Variants in ANKRD11 observed in about 807,000 individuals in gnomAD.
ANKRD11 encodes the protein ankyrin repeat domain-containing protein 11.
In ANKRD11, 17 loss-of-function variants were observed where a neutral mutation model predicts 195.7. The ratio of observed to expected loss-of-function variants is 0.09; its 90% CI spans 0.06 to 0.13. The LOEUF (loss-of-function observed/expected upper bound fraction) is 0.13. Ranked by LOEUF, ANKRD11 falls within the 10% of genes least tolerant of loss-of-function variation. The probability of loss-of-function intolerance (pLI) is 1.00; values close to 1 mark genes in which losing one functional copy is unlikely to be tolerated. For synonymous variants in ANKRD11, 1,953 were observed against 1,528.1 expected (o/e 1.28, Z -6.49); for missense variants, 3,735 against 3,566.1 (o/e 1.05, Z -1.21).
chr16:89,479,915 C>A (rs2057386170), intron 1 of ANKRD11, among the ~76,000 whole-genome samples: 1 of 148,952 alleles, frequency 6.7e-6, no homozygotes, highest in Non-Finnish European at 1.5e-5. Flanking sequence ...TGCACTCCAG[C>A]CTGGGTGACA....
At chr16:89,457,389 G>A (rs1250162322) in intron 1 of ANKRD11, among the ~76,000 whole-genome samples, 1 of 151,458 alleles carries the variant, frequency 6.6e-6, no homozygotes, top group Non-Finnish European at 1.5e-5. Flanking sequence ...ATGCGGTCAG[G>A]AGTTCAAGAC....
chr16:89,288,682 C>T lies in ANKRD11; in HGVS notation c.602-12G>A. On this transcript the variant is annotated splice_polypyrimidine_tract_variant and intron_variant, in intron 6 of 12. Coordinates refer to ENST00000301030, the MANE Select transcript of ANKRD11 (RefSeq NM_013275.6). ...CAGCGCCGTCCAGCCTGGAAACAGA[C>T]ACTCAGGACGTACGTTATTTAATCC... 1 of 1,613,994 alleles carries T rather than the reference C, an allele frequency of 6.2e-7. No individual in the cohort carries two copies. Among genetic ancestry groups the T allele is most frequent in the Non-Finnish European group, 8.5e-7 (1 of 1,180,030 alleles).
chr16:89,453,721 G>A (rs572595403), intron 1 of ANKRD11, among the ~76,000 whole-genome samples: 21 of 152,178 alleles, frequency 1.4e-4, no homozygotes, highest in African/African-American at 5.1e-4. Flanking sequence ...AAGACACAGC[G>A]GCAAACAAAA....
At chr16:89,319,790 G>A (rs193139480) in intron 2 of ANKRD11, among the ~76,000 whole-genome samples, 56 of 152,364 alleles carry the variant, frequency 3.7e-4, no homozygotes, top group African/African-American at 1.1e-3. Context: ...CGTGCAGCAC[G>A]CGGCCCACTC....
chr16:89,277,435 G>C (rs1352551132), intron 9 of ANKRD11: 1 of 152,290 alleles, frequency 6.6e-6, no homozygotes, highest in Non-Finnish European at 1.5e-5. Context: ...ACTCAGATTG[G>C]CAGGATTCTA....
intron 1 of ANKRD11, among the ~76,000 whole-genome samples, chr16:89,457,547 G>A (rs2056491996): frequency 2.0e-5 from 3 of 146,876 alleles, no homozygotes. Flanking sequence ...GCAGTGAGCT[G>A]AGATCGCGCC....
chr16:89,356,519 C>A (rs947450198), intron 2 of ANKRD11, among the ~76,000 whole-genome samples: 1 of 151,866 alleles, frequency 6.6e-6, no homozygotes, highest in African/African-American at 2.4e-5. Flanking sequence ...CGCCTATAAT[C>A]CCAGCTCTTT....
chr16:89,454,356 A>C (rs550243630), intron 1 of ANKRD11, among the ~76,000 whole-genome samples: 1 of 152,300 alleles, frequency 6.6e-6, no homozygotes, highest in South Asian at 2.1e-4. Flanking sequence ...ACATGGGCAC[A>C]GAAGACTTCT....
intron 1 of ANKRD11, among the ~76,000 whole-genome samples, chr16:89,439,657 A>C (rs1429235317): frequency 6.6e-6 from 1 of 152,112 alleles, no homozygotes; most frequent in African/African-American, 2.4e-5. Context: ...AGCTTGTTCT[A>C]TTCTTCATCT....
chr16:89,317,556 G>C (rs2037041292), intron 2 of ANKRD11, among the ~76,000 whole-genome samples: 1 of 152,276 alleles, frequency 6.6e-6, no homozygotes, highest in Non-Finnish European at 1.5e-5. Flanking sequence ...CACCTGGGAA[G>C]GAGCTCCTGT....
chr16:89,318,606 C>A (rs1327396360), intron 2 of ANKRD11, among the ~76,000 whole-genome samples: 1 of 152,208 alleles, frequency 6.6e-6, no homozygotes, highest in Non-Finnish European at 1.5e-5. Context: ...CCCACCTCCA[C>A]CCCGTCAGCT....
intron 2 of ANKRD11, among the ~76,000 whole-genome samples, chr16:89,403,312 C>A (rs984387601): frequency 1.2e-4 from 18 of 152,298 alleles, no homozygotes; most frequent in East Asian, 3.9e-4. Context: ...CCTGCTCCCC[C>A]CTCCTGACCG....
chr16:89,384,879 C>CTTTTTCTTTTTTTTTTTTTT (rs2040833636), intron 2 of ANKRD11, among the ~76,000 whole-genome samples: 2 of 49,942 alleles, frequency 4.0e-5, no homozygotes, highest in African/African-American at 1.6e-4. Context: ...AAATAGTTTT[C>CTTTTTCTTTTTTTTTTTTTT]TTTTTTTTTT....
chr16:89,483,183 A>C (rs1567867339), intron 1 of ANKRD11, among the ~76,000 whole-genome samples: 1 of 152,174 alleles, frequency 6.6e-6, no homozygotes, highest in African/African-American at 2.4e-5. Flanking sequence ...GCTTAGAAGA[A>C]AGCTATTAAG....
intron 2 of ANKRD11, among the ~76,000 whole-genome samples, chr16:89,331,447 G>C (rs577910478): frequency 6.6e-6 from 1 of 152,268 alleles, no homozygotes; most frequent in South Asian, 2.1e-4. Context: ...AGAATTTACA[G>C]ATTAAAGACT....
chr16:89,482,930 G>A (rs1237069197), intron 1 of ANKRD11, among the ~76,000 whole-genome samples: 2 of 152,208 alleles, frequency 1.3e-5, no homozygotes, highest in Admixed American at 6.5e-5. Flanking sequence ...GGAGCCTCCA[G>A]AAGGAACCAG....
At chr16:89,377,473 C>T (rs1183187106) in intron 2 of ANKRD11, among the ~76,000 whole-genome samples, 2 of 151,494 alleles carry the variant, frequency 1.3e-5, no homozygotes, top group African/African-American at 4.9e-5. Flanking sequence ...GACATGTGGG[C>T]CGGGGCAGGA....
At chr16:89,451,618 T>G (rs1389826770) in intron 1 of ANKRD11, among the ~76,000 whole-genome samples, 1 of 152,040 alleles carries the variant, frequency 6.6e-6, no homozygotes, top group Non-Finnish European at 1.5e-5. Flanking sequence ...AATTTCGCAG[T>G]GTTGGCCAGG....
chr16:89,336,578 A>C (rs1305500950), intron 2 of ANKRD11, among the ~76,000 whole-genome samples: 1 of 152,192 alleles, frequency 6.6e-6, no homozygotes, highest in Non-Finnish European at 1.5e-5. Context: ...GTGGGAACCC[A>C]GCACTTCAAT....
Sources: gnomAD v4.1 joint callset for allele counts (sites outside exome capture counted in the v4.1 genomes callset) on GRCh38, gnomAD v4.1.1 for gene constraint, MANE v1.5 for transcripts, NCBI Gene and HGNC (gene_info 2026-07-23, HGNC 2026-07-21) for gene names.